PRUNE2: variants seen among roughly 807,000 people sequenced by gnomAD.
The protein encoded by PRUNE2 is prune homolog 2 with BCH domain.
In PRUNE2, 164 loss-of-function variants were observed where a neutral mutation model predicts 252.0. The ratio of observed to expected loss-of-function variants is 0.65; its 90% confidence interval spans 0.57 to 0.74. The LOEUF is 0.74. PRUNE2 is among the 30% of genes least tolerant of loss of function. PRUNE2 has a pLI of 0.00. For synonymous variants in PRUNE2, 1,292 were observed against 1,350.2 expected (o/e 0.96, Z 0.94); for missense variants, 3,495 against 3,711.0 (o/e 0.94, Z 1.51).
intron 2 of PRUNE2, among the ~76,000 whole-genome samples, chr9:76,851,516 G>C (rs1195868507): frequency 2.0e-5 from 3 of 151,066 alleles, no homozygotes; most frequent in African/African-American, 7.3e-5. Flanking sequence ...CCACTGCACT[G>C]CAGCATGGGG....
At chr9:76,619,854 T>C (rs965518024) in intron 17 of PRUNE2, among the ~76,000 whole-genome samples, 3 of 152,174 alleles carry the variant, frequency 2.0e-5, no homozygotes, top group African/African-American at 7.2e-5. Flanking sequence ...CTCTCCTCAT[T>C]GTTGTTGTTA....
intron 9 of PRUNE2, among the ~76,000 whole-genome samples, chr9:76,699,862 T>C (rs2045729361): frequency 6.6e-6 from 1 of 152,240 alleles, no homozygotes; most frequent in East Asian, 1.9e-4. Context: ...GTTTCTTCCT[T>C]TTAAGAAAGG....
chr9:76,843,566 T>C (rs1304331986), intron 4 of PRUNE2, among the ~76,000 whole-genome samples: 1 of 152,142 alleles, frequency 6.6e-6, no homozygotes. Context: ...AAGAGAACCC[T>C]TTCTAAAGAG....
At chr9:76,664,816 ATTAT>A (rs912202598) in intron 9 of PRUNE2, among the ~76,000 whole-genome samples, 1 of 152,218 alleles carries the variant, frequency 6.6e-6, no homozygotes, top group African/African-American at 2.4e-5. Flanking sequence ...CCTGGCCGAG[ATTAT>A]TTATTATACA....
chr9:76,854,386 T>C (rs2060128611), intron 1 of PRUNE2, among the ~76,000 whole-genome samples, 178 bp from the exon 2 acceptor site: 1 of 152,266 alleles, frequency 6.6e-6, no homozygotes, highest in Non-Finnish European at 1.5e-5. Flanking sequence ...TTTAACACTC[T>C]GAAATATTCA....
At chr9:76,661,695 G>A (rs1218923406) in intron 9 of PRUNE2, among the ~76,000 whole-genome samples, 1 of 152,168 alleles carries the variant, frequency 6.6e-6, no homozygotes, top group Non-Finnish European at 1.5e-5. Context: ...CTCAAAATAT[G>A]TAAAACAAAA....
At chr9:76,725,123 A>G (rs1252124345) in intron 6 of PRUNE2, among the ~76,000 whole-genome samples, 1 of 152,192 alleles carries the variant, frequency 6.6e-6, no homozygotes, top group Non-Finnish European at 1.5e-5. Context: ...TAAATCATCT[A>G]GTTTGAACCC....
rs759921325 is a variant in PRUNE2 at position 76,905,955 on chromosome 9, T to C, written c.9A>G (p.Glu3=). ...GTTTAGATTTGGCGCGTTGCAAAAA[T>C]TCTTCCATGTCGTGGCTAGGGGTTT... is the stretch of plus-strand genomic sequence containing the variant. ME[E]FLQRAKSKLN... is the part of the protein sequence containing the mutation. Residue 3 remains glutamate, a synonymous_variant, in exon 1 of 19, where the codon GAA becomes GAG. Transcript: ENST00000376718. 3 of 1,614,158 alleles carry C rather than the reference T, an allele frequency of 1.9e-6. No homozygotes were observed. Among genetic ancestry groups the C allele is most frequent in the Non-Finnish European group, 2.5e-6 (3 of 1,180,000 alleles).
At position 76,890,045 on chromosome 9, in the gene PRUNE2, T is replaced by C. The variant is rs781272848; in HGVS notation, c.36+15883A>G. Among the ~76,000 whole-genome samples, 108 of 152,360 alleles carry C rather than the reference T, an allele frequency of 7.1e-4. 1 individual carries two copies. Among genetic ancestry groups the C allele is most frequent in the Non-Finnish European group, 1.2e-3 (82 of 68,030 alleles). ...CACTCTTCCTGAAGTAAGTATATTA[T>C]GTCCCTGCAGTCTGTTGAAGTGGAA... On this transcript the variant is annotated intron_variant, in intron 1 of 18. Transcript: ENST00000376718.
chr9:76,735,790 T>A (rs566236713), intron 6 of PRUNE2, among the ~76,000 whole-genome samples: 13 of 152,316 alleles, frequency 8.5e-5, no homozygotes, highest in African/African-American at 2.6e-4. Flanking sequence ...TAGCTGGTAG[T>A]AAGATAAGAA....
intron 9 of PRUNE2, among the ~76,000 whole-genome samples, chr9:76,682,511 G>A (rs759635242): frequency 6.6e-5 from 10 of 151,690 alleles, no homozygotes; most frequent in African/African-American, 9.7e-5. Flanking sequence ...ACAGGTATGC[G>A]CCACCCCGCC....
chr9:76,901,995 G>A (rs1197297188), intron 1 of PRUNE2, among the ~76,000 whole-genome samples: 5 of 152,074 alleles, frequency 3.3e-5, no homozygotes, highest in South Asian at 4.1e-4. Context: ...TGAGGGCTGC[G>A]GTGATCTCCA....
intron 1 of PRUNE2, among the ~76,000 whole-genome samples, chr9:76,860,097 T>C (rs2060468997): frequency 6.6e-6 from 1 of 152,138 alleles, no homozygotes; most frequent in Admixed American, 6.5e-5. Context: ...GTCTAAACTG[T>C]CTTTGCATAG....
At chr9:76,663,391 G>A (rs922795491) in intron 9 of PRUNE2, among the ~76,000 whole-genome samples, 11 of 152,192 alleles carry the variant, frequency 7.2e-5, no homozygotes, top group African/African-American at 2.4e-4. Flanking sequence ...GAAGATAAGC[G>A]CCGAGCACTC....
chr9:76,630,236 T>C (rs913411181), intron 15 of PRUNE2, among the ~76,000 whole-genome samples: 5 of 151,576 alleles, frequency 3.3e-5, no homozygotes, highest in Non-Finnish European at 7.4e-5. Context: ...TTTTTCTTTT[T>C]TTTTTAGTTT....
Position 76,775,980 on chromosome 9 carries a change from G to C in PRUNE2, c.756+47652C>G, listed in dbSNP as rs973759629. 8.5e-5 allele frequency among the ~76,000 whole-genome samples: 13 copies of C among 152,166 alleles called. No homozygotes were observed. The South Asian group carries it at 2.7e-3, about 32-fold the overall frequency. ...CTTCCAAAAAATTCCAGCATTTTCT[G>C]GTGTGAGATTTGGGAGGGATAGGAA... On this transcript the variant is annotated intron_variant, in intron 6 of 18. Transcript: ENST00000376718.
Position 76,708,455 on chromosome 9 carries a change from G to A in PRUNE2, c.3819C>T (p.Thr1273=). The A allele has an allele frequency of 1.2e-6, 2 of 1,613,912 alleles. No homozygotes were observed. Among genetic ancestry groups the A allele is most frequent in the South Asian group, 2.2e-5 (2 of 91,072 alleles). ...HSPDAPAASG[T]SESEALISHL... Reference sequence around the variant, plus strand: ...GAGATATAAGTGCCTCTGATTCACTGGTTCCAGAGGCTGCTGGCGCATCTG... The same window carrying A: ...GAGATATAAGTGCCTCTGATTCACTAGTTCCAGAGGCTGCTGGCGCATCTG... Residue 1273 remains threonine, a synonymous_variant, in exon 8 of 19, where the codon ACC becomes ACT. Transcript: ENST00000376718.
At chr9:76,667,473 C>T (rs2040425993) in intron 9 of PRUNE2, among the ~76,000 whole-genome samples, 1 of 152,192 alleles carries the variant, frequency 6.6e-6, no homozygotes, top group African/African-American at 2.4e-5. Context: ...GGGATTTACA[C>T]TTTGGGAAGA....
chr9:76,666,877 T>C (rs533384938), intron 9 of PRUNE2, among the ~76,000 whole-genome samples: 67 of 152,174 alleles, frequency 4.4e-4, no homozygotes, highest in African/African-American at 1.6e-3. Context: ...AGAAACCCTG[T>C]CTCTATTAAA....
Sources: gnomAD v4.1 joint callset for allele counts (sites outside exome capture counted in the v4.1 genomes callset) on GRCh38, gnomAD v4.1.1 for gene constraint, MANE v1.5 for transcripts, NCBI Gene and HGNC (gene_info 2026-07-23, HGNC 2026-07-21) for gene names.